HACD3: variants seen among roughly 807,000 people sequenced by gnomAD.
HACD3 encodes 3-hydroxyacyl-CoA dehydratase 3.
HACD3 carries 30 observed loss-of-function variants against 55.2 expected under a neutral mutation model. The ratio of observed to expected loss-of-function variants is 0.54; its 90% CI spans 0.41 to 0.74. The LOEUF is 0.74. Ranked by LOEUF, HACD3 falls within the 30% of genes least tolerant of loss-of-function variation. HACD3 has a pLI of 0.00. For synonymous variants in HACD3, 141 were observed against 151.7 expected (o/e 0.93, Z 0.52); for missense variants, 363 against 440.1 (o/e 0.82, Z 1.57).
intron 4 of HACD3, among the ~76,000 whole-genome samples, chr15:65,557,321 A>G (rs2072202508): frequency 6.6e-6 from 1 of 152,148 alleles, no homozygotes; most frequent in Admixed American, 6.6e-5. Context: ...TAAAAATACA[A>G]AAAATTAGCC....
At chr15:65,576,235 G>C in intron 10 of HACD3, 68 bp from the exon 11 acceptor site, 3 of 1,535,330 alleles carry the variant, frequency 2.0e-6, no homozygotes, top group Non-Finnish European at 2.6e-6. Flanking sequence ...TACTGTCCCT[G>C]CCACAAGAGC....
chr15:65,568,875 A>G (rs909563067), intron 7 of HACD3, among the ~76,000 whole-genome samples: 1 of 152,186 alleles, frequency 6.6e-6, no homozygotes, highest in Admixed American at 6.5e-5. Flanking sequence ...CCAGATATCT[A>G]TGAAGAATAG....
chr15:65,571,917 G>C (rs1250881132), intron 9 of HACD3, among the ~76,000 whole-genome samples: 9 of 152,284 alleles, frequency 5.9e-5, no homozygotes, highest in Admixed American at 5.9e-4. Context: ...TTCCAAAGGG[G>C]GTTCTTACTG....
intron 1 of HACD3, chr15:65,534,361 T>C (rs1265357164): frequency 3.3e-5 from 5 of 152,252 alleles, no homozygotes; most frequent in African/African-American, 9.7e-5. Flanking sequence ...CTAGTGACTA[T>C]GAGAGAACAC....
At chr15:65,537,209 C>T (rs1027487699) in intron 1 of HACD3, among the ~76,000 whole-genome samples, 34 of 152,106 alleles carry the variant, frequency 2.2e-4, no homozygotes, top group African/African-American at 8.0e-4. Context: ...CATAAAAGTG[C>T]AAGGTGAAGC....
intron 7 of HACD3, chr15:65,565,402 G>A (rs992924104): frequency 6.6e-6 from 1 of 152,274 alleles, no homozygotes; most frequent in African/African-American, 2.4e-5. Context: ...TCTCCATGAG[G>A]GCCCCATCCC....
At position 65,550,317 on chromosome 15, in the gene HACD3, G is replaced by A. The variant is rs548436490; in HGVS notation, c.88-1359G>A. Among the ~76,000 whole-genome samples the A allele has an allele frequency of 2.0e-5, 3 of 152,228 alleles. No homozygotes were observed. In the East Asian group the frequency reaches 5.8e-4, roughly 29 times the overall value. On this transcript the variant is annotated intron_variant, in intron 1 of 10. Coordinates refer to ENST00000261875, the MANE Select transcript of HACD3 (RefSeq NM_016395.4). ...CAGGAGAATCGCCTGAACCTGGGAG[G>A]CAGAGGTTACAGTGAGCCGAGACTG...
Position 65,530,535 on chromosome 15 carries a change from G to C in HACD3, c.-97G>C. On this transcript the variant is annotated 5_prime_UTR_variant, in exon 1 of 11. Coordinates refer to ENST00000261875, the MANE Select transcript of HACD3 (RefSeq NM_016395.4). ...GGGTTGCAGGCGCTCAGGAGCGCTA[G>C]GGTTTGAGGCCTGCTTTCTGCTCGC... 12 of 1,134,586 alleles carry C rather than the reference G, an allele frequency of 1.1e-5. No homozygotes were observed. The highest frequency in any genetic ancestry group is 1.4e-5 in the Non-Finnish European group (11 of 806,616). The allele number at this position is 1,134,586 out of a possible 1,614,324, so 70.3% of individuals were successfully genotyped here.
At chr15:65,558,511 G>C (rs1368149464) in intron 4 of HACD3, among the ~76,000 whole-genome samples, 169 bp from the exon 5 acceptor site, 1 of 152,186 alleles carries the variant, frequency 6.6e-6, no homozygotes, top group African/African-American at 2.4e-5. Flanking sequence ...TTAGTAAGCA[G>C]GAGTCAGGCG....
intron 3 of HACD3, among the ~76,000 whole-genome samples, chr15:65,555,252 A>C (rs2072177869): frequency 6.6e-6 from 1 of 152,160 alleles, no homozygotes; most frequent in African/African-American, 2.4e-5. Flanking sequence ...GGACTAAGTG[A>C]TCCTTCCAGC....
chr15:65,555,367 C>T (rs1441860614), intron 3 of HACD3, among the ~76,000 whole-genome samples: 1 of 152,192 alleles, frequency 6.6e-6, no homozygotes, highest in African/African-American at 2.4e-5. Flanking sequence ...TTTCATGTGA[C>T]TTTGCCACAG....
chr15:65,534,892 C>T lies in HACD3; in HGVS notation c.87+4174C>T, dbSNP rs187578851. 4.1e-4 allele frequency among the ~76,000 whole-genome samples: 62 copies of T among 152,170 alleles called. No homozygotes were observed. The East Asian group carries it at 0.011, about 28-fold the overall frequency. ...TTCAAGTGAGTGATTATGATGATTGCGATATTAAACCTTAGATGAGAGGGA... is the reference window on the plus strand; with the variant it reads ...TTCAAGTGAGTGATTATGATGATTGTGATATTAAACCTTAGATGAGAGGGA... On this transcript the variant is annotated intron_variant, in intron 1 of 10. Coordinates refer to ENST00000261875, the MANE Select transcript of HACD3 (RefSeq NM_016395.4).
At chr15:65,548,629 G>A (rs1163175008) in intron 1 of HACD3, among the ~76,000 whole-genome samples, 2 of 151,930 alleles carry the variant, frequency 1.3e-5, no homozygotes, top group African/African-American at 4.8e-5. Context: ...CTGGAATGCA[G>A]TGGTGCAATA....
chr15:65,541,328 T>TG (rs1296973119), intron 1 of HACD3, among the ~76,000 whole-genome samples: 5 of 152,176 alleles, frequency 3.3e-5, no homozygotes, highest in Non-Finnish European at 5.9e-5. Flanking sequence ...TCTTATTACT[T>TG]TGAGTATTTT....
chr15:65,565,173 C>T (rs1468136549), intron 7 of HACD3: 1 of 152,658 alleles, frequency 6.6e-6, no homozygotes, highest in Admixed American at 6.5e-5. Flanking sequence ...ACTCCTGTGA[C>T]TTTGCAGGGA....
chr15:65,574,912 GAATA>G (rs1182221544), intron 10 of HACD3, among the ~76,000 whole-genome samples: 2 of 152,156 alleles, frequency 1.3e-5, no homozygotes, highest in African/African-American at 2.4e-5. Flanking sequence ...AGATAAAGAG[GAATA>G]AATATTGGAA....
At position 65,550,607 on chromosome 15, in the gene HACD3, T is replaced by A. The variant is rs151336587; in HGVS notation, c.88-1069T>A. The stretch of plus-strand genomic sequence containing the variant: ...AATAATTGCAGTTAATAATTATTTG[T>A]TAATCTGTTGCTACATAACAAATCA... On this transcript the variant is annotated intron_variant, in intron 1 of 10. Transcript: ENST00000261875. Among the ~76,000 whole-genome samples the A allele has an allele frequency of 5.3e-5, 8 of 152,356 alleles. No homozygotes were observed. In the East Asian group the frequency reaches 1.5e-3, roughly 29 times the overall value.
chr15:65,554,985 C>A, intron 3 of HACD3, 25 bp downstream of exon 3: 1 of 1,546,188 alleles, frequency 6.5e-7, no homozygotes, highest in Non-Finnish European at 8.9e-7. Flanking sequence ...TTCTCACTTC[C>A]CTTCCCATTT....
chr15:65,546,868 C>T (rs913166723), intron 1 of HACD3, among the ~76,000 whole-genome samples: 15 of 152,044 alleles, frequency 9.9e-5, no homozygotes, highest in African/African-American at 3.1e-4. Context: ...GTGATTTGCT[C>T]GAAGGATTCA....
Sources: allele counts gnomAD v4.1 joint callset (sites outside exome capture counted in the v4.1 genomes callset), GRCh38; gene constraint gnomAD v4.1.1; transcripts MANE v1.5; gene names NCBI Gene and HGNC (gene_info 2026-07-23, HGNC 2026-07-21).